Variants in SLC24A2 observed in about 807,000 individuals in gnomAD.
SLC24A2 encodes the protein solute carrier family 24 member 2.
A neutral mutation model predicts 62.0 loss-of-function variants in SLC24A2; 36 were observed. The ratio of observed to expected loss-of-function variants is 0.58; its 90% confidence interval spans 0.44 to 0.77. SLC24A2 has a LOEUF of 0.77. Ranked by LOEUF, SLC24A2 falls within the 30% of genes least tolerant of loss-of-function variation. The pLI is 0.00. For missense variants in SLC24A2, 846 were observed against 817.9 expected, an observed-to-expected ratio of 1.03 and a Z score of -0.42; for synonymous variants, 358 against 294.0, an observed-to-expected ratio of 1.22 and a Z score of -2.23.
the SLC24A2 span, among the ~76,000 whole-genome samples, chr9:20,200,397 G>C: frequency 6.6e-6 from 1 of 152,194 alleles, no homozygotes; most frequent in East Asian, 1.9e-4. Flanking sequence ...TATACTGATG[G>C]CCAGCAGTAA....
intron 2 of SLC24A2, among the ~76,000 whole-genome samples, chr9:19,778,265 C>T (rs1822903173): frequency 6.6e-6 from 1 of 152,084 alleles, no homozygotes; most frequent in African/African-American, 2.4e-5. Flanking sequence ...TCTTAGAACC[C>T]AGAACACTGA....
intron 7 of SLC24A2, among the ~76,000 whole-genome samples, chr9:19,565,516 A>G (rs1835612026): frequency 1.3e-5 from 2 of 151,304 alleles, no homozygotes; most frequent in African/African-American, 2.4e-5. Context: ...GGAAGAATCA[A>G]TATTGTGAAA....
chr9:19,556,971 G>A (rs1367174567), intron 7 of SLC24A2, among the ~76,000 whole-genome samples: 1 of 152,122 alleles, frequency 6.6e-6, no homozygotes, highest in African/African-American at 2.4e-5. Flanking sequence ...CAGTCATTTA[G>A]GAGCTTTAGG....
intron 7 of SLC24A2, among the ~76,000 whole-genome samples, chr9:19,559,670 C>G (rs554696793): frequency 8.5e-5 from 13 of 152,286 alleles, no homozygotes; most frequent in African/African-American, 2.6e-4. Flanking sequence ...GGTGCCCCCC[C>G]AGAAACATTC....
chr9:19,687,585 G>A (rs900486105), intron 2 of SLC24A2, among the ~76,000 whole-genome samples: 2 of 152,094 alleles, frequency 1.3e-5, no homozygotes, highest in African/African-American at 2.4e-5. Flanking sequence ...TGTGTTCCAC[G>A]CCGTGTTTCT....
At chr9:19,794,755 G>A in the SLC24A2 span, among the ~76,000 whole-genome samples, 2 of 152,042 alleles carry the variant, frequency 1.3e-5, no homozygotes, top group African/African-American at 4.8e-5. Flanking sequence ...TCTCTCAGAG[G>A]CACACCAGTA....
At chr9:19,903,430 G>C in the SLC24A2 span, among the ~76,000 whole-genome samples, 53 of 152,014 alleles carry the variant, frequency 3.5e-4, no homozygotes, top group African/African-American at 1.2e-3. Context: ...ATCTCCCAAA[G>C]GCTTACCTCC....
At chr9:20,265,232 G>A in the SLC24A2 span, among the ~76,000 whole-genome samples, 5 of 152,230 alleles carry the variant, frequency 3.3e-5, no homozygotes, top group Non-Finnish European at 5.9e-5. Flanking sequence ...AACAGACACA[G>A]TCTACTGTGT....
chr9:19,829,156 A>C, the SLC24A2 span, among the ~76,000 whole-genome samples: 1 of 151,970 alleles, frequency 6.6e-6, no homozygotes, highest in Non-Finnish European at 1.5e-5. Flanking sequence ...CCTGAAACTC[A>C]CGGGGTATGA....
At chr9:19,835,247 G>A in the SLC24A2 span, among the ~76,000 whole-genome samples, 1 of 152,112 alleles carries the variant, frequency 6.6e-6, no homozygotes, top group South Asian at 2.1e-4. Context: ...AATGTAAATG[G>A]GCTAAATGCT....
the SLC24A2 span, among the ~76,000 whole-genome samples, chr9:20,079,224 G>A: frequency 6.6e-6 from 1 of 152,116 alleles, no homozygotes; most frequent in African/African-American, 2.4e-5. Context: ...TAATACTTTG[G>A]TTTTGGACTT....
At chr9:20,215,273 G>C in the SLC24A2 span, among the ~76,000 whole-genome samples, 1 of 152,098 alleles carries the variant, frequency 6.6e-6, no homozygotes, top group African/African-American at 2.4e-5. Context: ...CACGCCAAAG[G>C]TCTCACATTC....
chr9:20,167,337 A>C, the SLC24A2 span, among the ~76,000 whole-genome samples: 2 of 152,010 alleles, frequency 1.3e-5, no homozygotes, highest in Non-Finnish European at 2.9e-5. Flanking sequence ...AGGTTTGAGA[A>C]AATGAGTAAA....
At chr9:19,519,802 T>C (rs1833103105) in intron 10 of SLC24A2, among the ~76,000 whole-genome samples, 1 of 152,180 alleles carries the variant, frequency 6.6e-6, no homozygotes, top group African/African-American at 2.4e-5. Flanking sequence ...AGTTTTCCAG[T>C]CAGACAAGCA....
chr9:19,542,202 G>A (rs1010413674), intron 8 of SLC24A2, among the ~76,000 whole-genome samples: 9 of 152,150 alleles, frequency 5.9e-5, no homozygotes, highest in African/African-American at 2.2e-4. Context: ...GACCGGAGCT[G>A]TTCCTATTCG....
chr9:19,782,800 G>A (rs1379181365), intron 2 of SLC24A2, among the ~76,000 whole-genome samples: 1 of 152,188 alleles, frequency 6.6e-6, no homozygotes, highest in Non-Finnish European at 1.5e-5. Flanking sequence ...ATCTTATGAA[G>A]TAGGTATCAT....
chr9:20,172,902 T>C, the SLC24A2 span, among the ~76,000 whole-genome samples: 4 of 151,618 alleles, frequency 2.6e-5, no homozygotes, highest in East Asian at 7.8e-4. Context: ...TACAGACCAA[T>C]ATCTTAATGA....
the SLC24A2 span, among the ~76,000 whole-genome samples, chr9:19,857,207 T>G: frequency 1.1e-4 from 16 of 152,220 alleles, no homozygotes; most frequent in Non-Finnish European, 1.9e-4. Flanking sequence ...TTCCTTGGTT[T>G]GTGTCCACTT....
the SLC24A2 span, among the ~76,000 whole-genome samples, chr9:20,030,271 T>C: frequency 1.3e-5 from 2 of 152,228 alleles, no homozygotes; most frequent in African/African-American, 2.4e-5. Flanking sequence ...CTGAAAGTTA[T>C]GGGGAACCTT....
Sources: gnomAD v4.1 joint callset for allele counts (sites outside exome capture counted in the v4.1 genomes callset) on GRCh38, gnomAD v4.1.1 for gene constraint, MANE v1.5 for transcripts, NCBI Gene and HGNC (gene_info 2026-07-23, HGNC 2026-07-21) for gene names.